The following NEDD4 variants were observed in gnomAD, a reference collection of about 807,000 sequenced individuals.
NEDD4 encodes the protein NEDD4 E3 ubiquitin protein ligase.
In NEDD4, 99 loss-of-function variants were observed where a neutral mutation model predicts 144.9. That is an observed-to-expected ratio of 0.68 (90% CI 0.58 to 0.81). The LOEUF (loss-of-function observed/expected upper bound fraction) is 0.81, where lower values mean the gene tolerates loss of function less well. Among genes scored for constraint, NEDD4 ranks in the 30% least tolerant of loss-of-function variants. The pLI is 0.00. For synonymous variants in NEDD4, 318 were observed against 350.6 expected (o/e 0.91, Z 1.04); for missense variants, 985 against 1,065.9 (o/e 0.92, Z 1.06).
chr15:55,861,258 G>C (rs1261188043), intron 9 of NEDD4, among the ~76,000 whole-genome samples: 2 of 152,170 alleles, frequency 1.3e-5, no homozygotes, highest in Non-Finnish European at 2.9e-5. Flanking sequence ...CAGAATGAAA[G>C]ATGGTGTAAG....
At chr15:55,902,210 T>C (rs149742038) in intron 5 of NEDD4, among the ~76,000 whole-genome samples, 129 of 152,222 alleles carry the variant, frequency 8.5e-4, no homozygotes, top group African/African-American at 2.9e-3. Flanking sequence ...GAAAATCCTA[T>C]GGTAAATAAC....
intron 8 of NEDD4, among the ~76,000 whole-genome samples, chr15:55,869,151 C>T (rs2034687020): frequency 6.6e-6 from 1 of 152,144 alleles, no homozygotes; most frequent in Non-Finnish European, 1.5e-5. Flanking sequence ...CTTAAATTTT[C>T]CTTGCTCCCT....
At chr15:55,892,164 G>A (rs2142124354) in intron 5 of NEDD4, among the ~76,000 whole-genome samples, 2 of 151,986 alleles carry the variant, frequency 1.3e-5, no homozygotes, top group South Asian at 4.2e-4. Context: ...TACTCGTGAG[G>A]CAGAGGCATG....
At chr15:55,928,207 T>C (rs1372112081) in intron 4 of NEDD4, among the ~76,000 whole-genome samples, 1 of 152,166 alleles carries the variant, frequency 6.6e-6, no homozygotes, top group African/African-American at 2.4e-5. Flanking sequence ...AGACAGGGTT[T>C]CACCGTGTTG....
intron 5 of NEDD4, among the ~76,000 whole-genome samples, chr15:55,889,538 T>TA (rs1207793336): frequency 6.6e-6 from 1 of 151,618 alleles, no homozygotes. Context: ...TGAACTGAGA[T>TA]AGAGAGTAGA....
intron 1 of NEDD4, chr15:55,988,059 G>A (rs1316846100): frequency 1.3e-5 from 2 of 151,078 alleles, no homozygotes; most frequent in Non-Finnish European, 2.9e-5. Flanking sequence ...CAATAGCAAA[G>A]ACTTGGAACC....
intron 4 of NEDD4, among the ~76,000 whole-genome samples, chr15:55,926,101 A>G (rs567053466): frequency 3.3e-5 from 5 of 152,208 alleles, no homozygotes; most frequent in Non-Finnish European, 7.4e-5. Context: ...CTGTACATGT[A>G]TATGATACAT....
chr15:55,878,561 A>G (rs1405685004), intron 5 of NEDD4, among the ~76,000 whole-genome samples: 2 of 152,196 alleles, frequency 1.3e-5, no homozygotes, highest in African/African-American at 2.4e-5. Context: ...ACTCTCTTAT[A>G]AAGTTAAACA....
intron 27 of NEDD4, among the ~76,000 whole-genome samples, chr15:55,831,319 G>A (rs1379657869): frequency 1.3e-5 from 2 of 152,110 alleles, no homozygotes; most frequent in Admixed American, 1.3e-4. Context: ...TGTATTCTAA[G>A]AATTTGACTT....
At chr15:55,920,346 T>A (rs1240376259) in intron 5 of NEDD4, among the ~76,000 whole-genome samples, 1 of 152,154 alleles carries the variant, frequency 6.6e-6, no homozygotes, top group Admixed American at 6.6e-5. Context: ...CCACCCAGAA[T>A]ATAGGTGGCT....
intron 1 of NEDD4, among the ~76,000 whole-genome samples, chr15:55,983,324 G>A (rs891766595): frequency 9.9e-5 from 15 of 152,178 alleles, no homozygotes; most frequent in African/African-American, 3.6e-4. Context: ...GCGTGCATTT[G>A]ATTTCCATGC....
chr15:55,886,950 A>T (rs2035412936), intron 5 of NEDD4, among the ~76,000 whole-genome samples: 1 of 152,056 alleles, frequency 6.6e-6, no homozygotes, highest in African/African-American at 2.4e-5. Context: ...CTTGAAACAA[A>T]TAATGGAAGA....
intron 5 of NEDD4, among the ~76,000 whole-genome samples, chr15:55,888,294 A>G (rs1432240282): frequency 6.6e-6 from 1 of 152,240 alleles, no homozygotes; most frequent in Non-Finnish European, 1.5e-5. Context: ...TGCATGATAC[A>G]TAATTAACAT....
chr15:55,930,098 G>C (rs1383918661), intron 4 of NEDD4, among the ~76,000 whole-genome samples: 1 of 152,114 alleles, frequency 6.6e-6, no homozygotes, highest in Non-Finnish European at 1.5e-5. Flanking sequence ...AAAAAAAGAG[G>C]CTGGGCAAAT....
chr15:55,865,545 A>AT (rs34530245), intron 8 of NEDD4, among the ~76,000 whole-genome samples: 108,455 of 150,730 alleles, frequency 0.72, 39,533 homozygotes, highest in Non-Finnish European at 0.8. Context: ...AAACTACTAA[A>AT]TAACATTAAA....
Position 55,841,868 on chromosome 15 carries a change from G to T in NEDD4, c.1838+66C>A. 3.6e-6 allele frequency: 5 copies of T among 1,402,416 alleles called. No homozygotes were observed. The South Asian group carries it at 6.0e-5, about 17-fold the overall frequency. The allele number at this position is 1,402,416 out of a possible 1,614,324, so 86.9% of individuals were successfully genotyped here. On this transcript the variant is annotated intron_variant, in intron 19 of 28. Coordinates refer to ENST00000435532, the MANE Select transcript of NEDD4 (RefSeq NM_006154.4). ...TTACAGGCATGAGCCACTGCACCCG[G>T]CCGACTCTTACTTTTAAAACAGTGA... is the stretch of plus-strand genomic sequence containing the variant.
At chr15:55,915,969 A>G (rs774542665) in intron 5 of NEDD4, 1 of 1,613,866 alleles carries the variant, frequency 6.2e-7, no homozygotes, top group East Asian at 2.2e-5. Context: ...TCCTTTGCTC[A>G]GAAGAGTACA....
At chr15:55,975,231 G>A (rs937947487) in intron 1 of NEDD4, among the ~76,000 whole-genome samples, 7 of 152,080 alleles carry the variant, frequency 4.6e-5, no homozygotes, top group Admixed American at 2.0e-4. Flanking sequence ...AGTACTGGAA[G>A]TCCTAGCTAG....
At chr15:55,916,242 C>T (rs777723315) in intron 5 of NEDD4, 3 of 1,614,038 alleles carry the variant, frequency 1.9e-6, no homozygotes, top group Non-Finnish European at 2.5e-6. Context: ...AGTATCATCA[C>T]TTGGTGGAAA....
Sources: allele counts gnomAD v4.1 joint callset (sites outside exome capture counted in the v4.1 genomes callset), GRCh38; gene constraint gnomAD v4.1.1; transcripts MANE v1.5; gene names NCBI Gene and HGNC (gene_info 2026-07-23, HGNC 2026-07-21).